Variants in SYTL2 observed in about 807,000 individuals in gnomAD.
SYTL2 encodes synaptotagmin like 2.
A neutral mutation model predicts 198.7 loss-of-function variants in SYTL2; 165 were observed. That is an observed-to-expected ratio of 0.83 (90% CI 0.73 to 0.94). The LOEUF (loss-of-function observed/expected upper bound fraction) is 0.94. Ranked by LOEUF, SYTL2 falls within the 40% of genes least tolerant of loss-of-function variation. The probability of loss-of-function intolerance (pLI) is 0.00; values close to 1 mark genes in which losing one functional copy is unlikely to be tolerated. For missense variants in SYTL2, 2,835 were observed against 2,582.8 expected (o/e 1.10, Z -2.12); for synonymous variants, 966 against 917.7 (o/e 1.05, Z -0.95).
intron 1 of SYTL2, among the ~76,000 whole-genome samples, chr11:85,789,340 G>GTATATATATATATATA (rs56956411): frequency 1.6e-5 from 1 of 62,526 alleles, no homozygotes; most frequent in Non-Finnish European, 2.7e-5. Flanking sequence ...GTGTGTGTGT[G>GTATATATATATATATA]TATATATATA....
intron 2 of SYTL2, among the ~76,000 whole-genome samples, chr11:85,756,818 G>C (rs533532009): frequency 1.3e-5 from 2 of 152,268 alleles, no homozygotes; most frequent in South Asian, 4.1e-4. Context: ...CATTATTCAT[G>C]GTCCTGTGTC....
intron 1 of SYTL2, among the ~76,000 whole-genome samples, chr11:85,777,512 C>T (rs779651604): frequency 2.6e-5 from 4 of 151,676 alleles, no homozygotes; most frequent in African/African-American, 4.9e-5. Context: ...TTCTGAGGCA[C>T]GAAGGGAGAG....
chr11:85,821,041 A>C, the SYTL2 span, among the ~76,000 whole-genome samples: 1 of 152,222 alleles, frequency 6.6e-6, no homozygotes, highest in African/African-American at 2.4e-5. Flanking sequence ...TGTCCTCATG[A>C]AGTGTACTTT....
chr11:85,724,872 C>T lies in SYTL2; in HGVS notation c.4486G>A (p.Glu1496Lys), dbSNP rs116798528. ...TIVQPKSEFL[E>K]FSAGLEKLLK... ...AGTTTTTCTAAGCCAGCACTGAATT[C>T]GAGGAACTCTGATTTGGGTTGAACA... The change falls in exon 8 of 20, where the codon GAA becomes AAA. Residue 1496 changes from glutamate (E) to lysine (K), a missense_variant. By Grantham distance (56) the Glu-to-Lys change is moderately conservative. Around this residue, in one of 3 missense-constraint regions of SYTL2, gnomAD observed 2,645 missense variants for 2,381.7 expected, o/e 1.11. Transcript: ENST00000359152. The T allele has an allele frequency of 1.2e-5, 20 of 1,614,028 alleles. No individual in the cohort carries two copies. In the East Asian group the frequency reaches 2.5e-4, roughly 20 times the overall value.
At chr11:85,820,793 T>A in the SYTL2 span, among the ~76,000 whole-genome samples, 1 of 152,250 alleles carries the variant, frequency 6.6e-6, no homozygotes, top group Non-Finnish European at 1.5e-5. Flanking sequence ...GATGTATACA[T>A]ACGTAAAAAG....
At chr11:85,801,782 T>TA (rs1369536291) in intron 1 of SYTL2, among the ~76,000 whole-genome samples, 1 of 151,870 alleles carries the variant, frequency 6.6e-6, no homozygotes, top group African/African-American at 2.4e-5. Context: ...AACCATAATT[T>TA]ACCTGTCCTG....
chr11:85,786,911 C>A (rs1309795610), intron 1 of SYTL2, among the ~76,000 whole-genome samples: 1 of 152,192 alleles, frequency 6.6e-6, no homozygotes, highest in Non-Finnish European at 1.5e-5. Context: ...CAGTGCCTAG[C>A]ACAATGCTCA....
At chr11:85,833,154 G>GGAAA in the SYTL2 span, among the ~76,000 whole-genome samples, 6 of 55,698 alleles carry the variant, frequency 1.1e-4, no homozygotes, top group East Asian at 6.8e-4. Context: ...AAGGAAGGAA[G>GGAAA]GAAAGAAAGA....
the SYTL2 span, among the ~76,000 whole-genome samples, chr11:85,834,644 C>T: frequency 6.6e-6 from 1 of 151,898 alleles, no homozygotes; most frequent in African/African-American, 2.4e-5. Context: ...ATAAAATGGG[C>T]TTTATATTCT....
chr11:85,734,311 C>T lies in SYTL2; in HGVS notation c.1018G>A (p.Asp340Asn), dbSNP rs2153488436. The change falls in exon 7 of 20, where the codon GAT (aspartate) becomes AAT (asparagine). Residue 340 changes from aspartate to asparagine, a missense_variant. Physicochemically the swap from Asp to Asn is conservative, Grantham distance 23. Around this residue, in one of 3 missense-constraint regions of SYTL2, gnomAD observed 2,645 missense variants for 2,381.7 expected, o/e 1.11. Transcript: ENST00000359152. ...AGCCCAGGACTCTGTGGAAGCTCAT[C>T]CTTCACTGCAGAGAATCTCACATGC... ...LKHVRFSAVK[D>N]ELPQSPGLIH... The T allele has an allele frequency of 1.2e-6, 2 of 1,614,222 alleles. No individual in the cohort carries two copies. The highest frequency in any genetic ancestry group is 2.2e-5 in the South Asian group (2 of 91,088).
rs185714334 is a variant in SYTL2, at chr11:85,760,894, G to T, written c.-389-2780C>A. On this transcript the variant is annotated intron_variant, in intron 1 of 19. Transcript: ENST00000359152. Reference sequence around the variant, plus strand: ...GCTGGAACCCTTCCCTTTTAATTGGGTAGGTAGGAATCAGTGCCCAATCAA... The same window carrying T: ...GCTGGAACCCTTCCCTTTTAATTGGTTAGGTAGGAATCAGTGCCCAATCAA... 5.3e-3 allele frequency among the ~76,000 whole-genome samples: 810 copies of T among 152,264 alleles called. 3 individuals carry two copies. The highest frequency in any genetic ancestry group is 6.7e-3 in the Non-Finnish European group (458 of 68,014).
intron 1 of SYTL2, among the ~76,000 whole-genome samples, chr11:85,768,993 C>T (rs935437357): frequency 7.3e-5 from 11 of 151,508 alleles, no homozygotes; most frequent in South Asian, 4.2e-4. Flanking sequence ...ATATAGCAGG[C>T]GCCTCATTTA....
intron 1 of SYTL2, among the ~76,000 whole-genome samples, chr11:85,762,566 A>G (rs1490391310): frequency 1.3e-5 from 2 of 152,206 alleles, no homozygotes; most frequent in Non-Finnish European, 2.9e-5. Flanking sequence ...TCCATGAACT[A>G]GCACCTGCTT....
chr11:85,709,465 G>A lies in SYTL2; in HGVS notation c.5781C>T (p.Asp1927=), dbSNP rs1375768865. The A allele has an allele frequency of 1.2e-6, 2 of 1,613,958 alleles. No homozygotes were observed. Among genetic ancestry groups the A allele is most frequent in the Non-Finnish European group, 1.7e-6 (2 of 1,180,010 alleles). ...SGSVMSVYSG[D]FGNLEVKGNI... is the part of the protein sequence containing the mutation. ...TTCCTTTAACTTCCAGATTGCCAAAGTCTCCACTATAAACACTCATCACAC... is the reference window on the plus strand; with the variant it reads ...TTCCTTTAACTTCCAGATTGCCAAAATCTCCACTATAAACACTCATCACAC... Residue 1927 remains aspartate, a synonymous_variant, in exon 14 of 20, where the codon GAC becomes GAT. Coordinates refer to ENST00000359152, the MANE Select transcript of SYTL2 (RefSeq NM_206927.4).
chr11:85,853,090 G>A, the SYTL2 span: 14 of 280,416 alleles, frequency 5.0e-5, no homozygotes, highest in African/African-American at 2.2e-4. Flanking sequence ...GGTCGGGGGC[G>A]CCTCTGCCCG....
intron 1 of SYTL2, among the ~76,000 whole-genome samples, chr11:85,807,772 G>A (rs1169962088): frequency 6.6e-6 from 1 of 152,130 alleles, no homozygotes; most frequent in African/African-American, 2.4e-5. Context: ...CAGCCCCATG[G>A]CCCAGCACTC....
chr11:85,715,368 G>A (rs1276729967), intron 11 of SYTL2, among the ~76,000 whole-genome samples: 3 of 152,010 alleles, frequency 2.0e-5, no homozygotes, highest in Non-Finnish European at 4.4e-5. Context: ...GGCACTTAGT[G>A]CCTAGCACAG....
chr11:85,715,739 AAAC>A (rs1281648921), intron 11 of SYTL2, among the ~76,000 whole-genome samples: 1 of 152,210 alleles, frequency 6.6e-6, no homozygotes, highest in African/African-American at 2.4e-5. Flanking sequence ...ACTTCCCATG[AAAC>A]AACAATGTGT....
rs1194321368 is a variant in SYTL2, at chr11:85,811,113, G to T, written c.-549C>A. On this transcript the variant is annotated 5_prime_UTR_variant, in exon 1 of 20. Transcript: ENST00000359152. Reference sequence around the variant, plus strand: ...GCCTTCACTCTCCCGACGGACGCTGGCGGCACGGCCCGGGTGTCGCCCGGC... The same window carrying T: ...GCCTTCACTCTCCCGACGGACGCTGTCGGCACGGCCCGGGTGTCGCCCGGC... 6.6e-6 allele frequency: 1 copy of T among 152,208 alleles called. No individual in the cohort carries two copies. The highest frequency in any genetic ancestry group is 1.5e-5 in the Non-Finnish European group (1 of 68,038). The allele number at this position is 152,208 out of a possible 1,614,324, so 9.4% of individuals were successfully genotyped here.
Sources: allele counts gnomAD v4.1 joint callset (sites outside exome capture counted in the v4.1 genomes callset), GRCh38; gene constraint gnomAD v4.1.1; regional missense constraint gnomAD v4.1.1; transcripts MANE v1.5; gene names NCBI Gene and HGNC (gene_info 2026-07-23, HGNC 2026-07-21).